PDE1C: variants seen among roughly 807,000 people sequenced by gnomAD.
PDE1C encodes phosphodiesterase 1C, also known as dual specificity calcium/calmodulin-dependent 3',5'-cyclic nucleotide phosphodiesterase 1C.
Under a neutral mutation model 93.1 loss-of-function variants are expected in PDE1C, and 62 were observed. The observed-to-expected ratio is 0.67, with a 90% CI of 0.54 to 0.82. The LOEUF (loss-of-function observed/expected upper bound fraction) is 0.82, where lower values mean the gene tolerates loss of function less well. PDE1C is among the 40% of genes least tolerant of loss of function. The probability of loss-of-function intolerance (pLI) is 0.00; values close to 1 mark genes in which losing one functional copy is unlikely to be tolerated. For missense variants in PDE1C, 742 were observed against 884.6 expected, an observed-to-expected ratio of 0.84 and a Z score of 2.04; for synonymous variants, 325 against 310.1, an observed-to-expected ratio of 1.05 and a Z score of -0.50.
chr7:31,886,645 C>T (rs1797908951), intron 2 of PDE1C, among the ~76,000 whole-genome samples: 1 of 152,048 alleles, frequency 6.6e-6, no homozygotes, highest in Non-Finnish European at 1.5e-5. Context: ...ATAACAAAGC[C>T]CTCCCCAGTG....
intron 7 of PDE1C, among the ~76,000 whole-genome samples, chr7:31,860,044 C>T (rs892973429): frequency 6.6e-6 from 1 of 152,156 alleles, no homozygotes; most frequent in Admixed American, 6.5e-5. Flanking sequence ...TCCCTGAGTA[C>T]ACTTGGAAGT....
intron 1 of PDE1C, among the ~76,000 whole-genome samples, chr7:32,065,203 A>G (rs1795260677): frequency 6.6e-6 from 1 of 152,212 alleles, no homozygotes; most frequent in Non-Finnish European, 1.5e-5. Flanking sequence ...GGTTCACTAG[A>G]ACACAAGCCA....
At chr7:31,798,831 C>A (rs1022090026) in intron 16 of PDE1C, among the ~76,000 whole-genome samples, 7 of 151,600 alleles carry the variant, frequency 4.6e-5, no homozygotes, top group Non-Finnish European at 8.9e-5. Context: ...AGTGATAACA[C>A]GAAGCCCTGT....
intron 17 of PDE1C, among the ~76,000 whole-genome samples, chr7:31,759,527 T>C (rs1794696860): frequency 6.6e-6 from 1 of 152,200 alleles, no homozygotes; most frequent in Non-Finnish European, 1.5e-5. Flanking sequence ...AAGTCTGGCC[T>C]CATCTCTTAG....
At chr7:32,144,785 C>T (rs968038869) in intron 3 of PDE1C, among the ~76,000 whole-genome samples, 1 of 152,112 alleles carries the variant, frequency 6.6e-6, no homozygotes, top group Non-Finnish European at 1.5e-5. Context: ...TTTTATTCTT[C>T]GAGCTGCTGG....
At position 31,794,033 on chromosome 7, in the gene PDE1C, TAGATAGATAGAC is replaced by T. The variant is rs1308011660; in HGVS notation, c.1891+14986_1891+14997del. 2.1e-3 allele frequency among the ~76,000 whole-genome samples: 220 copies of T among 105,294 alleles called. 1 individual carries two copies. Among genetic ancestry groups the T allele is most frequent in the East Asian group, 5.1e-3 (16 of 3,166 alleles). The allele number at this position is 105,294 out of a possible 152,430, so 69.1% of individuals were successfully genotyped here. A position where few individuals can be genotyped will look rare whatever the true frequency, so the allele number is the denominator to read the frequency against. On this transcript the variant is annotated intron_variant, in intron 16 of 17. Transcript: ENST00000396191. ...ATAGATAGATAGATAGATAGATAGATAGATAGATAGACAGACAGACAGACAGACAGACAGACA... is the reference window on the plus strand; with the variant it reads ...ATAGATAGATAGATAGATAGATAGATAGACAGACAGACAGACAGACAGACA...
chr7:32,135,954 G>C (rs893047787), intron 3 of PDE1C, among the ~76,000 whole-genome samples: 2 of 152,170 alleles, frequency 1.3e-5, no homozygotes, highest in Non-Finnish European at 2.9e-5. Flanking sequence ...CATTTGCAAA[G>C]ACATGATAGC....
chr7:31,952,054 T>A (rs927740840), intron 2 of PDE1C, among the ~76,000 whole-genome samples: 1 of 152,148 alleles, frequency 6.6e-6, no homozygotes, highest in Non-Finnish European at 1.5e-5. Context: ...TCTCAATATA[T>A]GCCTGTAATT....
At chr7:31,934,561 C>A (rs1045555613) in intron 2 of PDE1C, among the ~76,000 whole-genome samples, 43 of 145,390 alleles carry the variant, frequency 3.0e-4, no homozygotes, top group Admixed American at 2.8e-4. Context: ...ACCACCAATA[C>A]AAAAAAAAAA....
intron 9 of PDE1C, among the ~76,000 whole-genome samples, chr7:31,845,427 C>T (rs1315034799): frequency 6.6e-6 from 1 of 152,046 alleles, no homozygotes; most frequent in Non-Finnish European, 1.5e-5. Flanking sequence ...AGGCAATTAA[C>T]TTGTTTATAC....
the PDE1C span, among the ~76,000 whole-genome samples, chr7:31,657,407 AC>A: frequency 2.6e-5 from 4 of 152,234 alleles, no homozygotes; most frequent in Non-Finnish European, 5.9e-5. Context: ...TTTTAAATAA[AC>A]AAAGATCTCA....
At chr7:32,149,294 G>T (rs559517664) in intron 3 of PDE1C, among the ~76,000 whole-genome samples, 18 of 152,188 alleles carry the variant, frequency 1.2e-4, no homozygotes, top group Non-Finnish European at 2.4e-4. Context: ...AACGATTACA[G>T]TTAACACCTG....
chr7:31,738,053 C>A, the PDE1C span, among the ~76,000 whole-genome samples: 1 of 152,168 alleles, frequency 6.6e-6, no homozygotes, highest in African/African-American at 2.4e-5. Context: ...TGCTGTCACC[C>A]AGTCCTCTCC....
chr7:32,000,360 C>A (rs1649811936), intron 2 of PDE1C, among the ~76,000 whole-genome samples: 1 of 152,098 alleles, frequency 6.6e-6, no homozygotes. Context: ...CTGCTATATT[C>A]CTGATGCTAT....
intron 1 of PDE1C, among the ~76,000 whole-genome samples, chr7:32,337,117 G>C (rs368028511): frequency 1.3e-5 from 2 of 151,740 alleles, no homozygotes; most frequent in African/African-American, 2.4e-5. Context: ...GCCTAGAGAG[G>C]CTCCCTACCT....
At chr7:31,638,921 C>G in the PDE1C span, among the ~76,000 whole-genome samples, 1 of 152,150 alleles carries the variant, frequency 6.6e-6, no homozygotes, top group African/African-American at 2.4e-5. Context: ...GGATTACAGG[C>G]ACCTGCCACC....
At chr7:32,082,167 C>A (rs964485002) in intron 3 of PDE1C, among the ~76,000 whole-genome samples, 2 of 80,506 alleles carry the variant, frequency 2.5e-5, no homozygotes, top group Admixed American at 1.4e-4. Context: ...CCTAATAATG[C>A]GCTTTTCCGA....
intron 2 of PDE1C, among the ~76,000 whole-genome samples, chr7:32,001,680 C>T (rs1785477082): frequency 6.6e-6 from 1 of 151,968 alleles, no homozygotes; most frequent in African/African-American, 2.4e-5. Flanking sequence ...AAAAAGGTGT[C>T]ATGTAAAAAA....
At chr7:32,206,259 AT>A (rs767403716) in intron 2 of PDE1C, among the ~76,000 whole-genome samples, 2 of 151,974 alleles carry the variant, frequency 1.3e-5, no homozygotes, top group Non-Finnish European at 2.9e-5. Flanking sequence ...CGGCTCACTG[AT>A]TAGGATGCAG....
Sources: gnomAD v4.1 joint callset for allele counts (sites outside exome capture counted in the v4.1 genomes callset) on GRCh38, gnomAD v4.1.1 for gene constraint, MANE v1.5 for transcripts, NCBI Gene and HGNC (gene_info 2026-07-23, HGNC 2026-07-21) for gene names.